ROBO1: variants seen among roughly 807,000 people sequenced by gnomAD.
The protein encoded by ROBO1 is roundabout guidance receptor 1, also known as roundabout homolog 1.
Under a neutral mutation model 195.9 loss-of-function variants are expected in ROBO1, and 149 were observed. The observed-to-expected ratio is 0.76, with a 90% CI of 0.67 to 0.87. ROBO1 has a LOEUF of 0.87. ROBO1 is among the 40% of genes least tolerant of loss of function. ROBO1 has a pLI of 0.00. For synonymous variants in ROBO1, 816 were observed against 733.2 expected, an observed-to-expected ratio of 1.11 and a Z score of -1.82; for missense variants, 1,933 against 2,068.3, an observed-to-expected ratio of 0.93 and a Z score of 1.27.
At position 78,736,413 on chromosome 3, in the gene ROBO1, A is replaced by T. The variant is rs1576051582; in HGVS notation, c.657+10330T>A. Among the ~76,000 whole-genome samples, 3 of 152,170 alleles carry T rather than the reference A, an allele frequency of 2.0e-5. No homozygotes were observed. In the East Asian group the frequency reaches 5.8e-4, roughly 29 times the overall value. On this transcript the variant is annotated intron_variant, in intron 5 of 30. Transcript: ENST00000464233. ...GAGAAGTACTTGGTAAAAGGAAAACAAACAGATAACAGGAAGAAGAAATCT... is the reference window on the plus strand; with the variant it reads ...GAGAAGTACTTGGTAAAAGGAAAACTAACAGATAACAGGAAGAAGAAATCT...
intron 1 of ROBO1, among the ~76,000 whole-genome samples, chr3:79,686,136 C>T (rs1483094469): frequency 1.3e-5 from 2 of 152,124 alleles, no homozygotes; most frequent in Admixed American, 6.6e-5. Context: ...ATTATCTCAA[C>T]AGATGCAGAA....
chr3:78,672,536 G>A lies in ROBO1; in HGVS notation c.1343-2235C>T, dbSNP rs563122950. 5.3e-5 allele frequency among the ~76,000 whole-genome samples: 8 copies of A among 151,066 alleles called. No homozygotes were observed. In the South Asian group the frequency reaches 1.7e-3, roughly 32 times the overall value. Reference sequence around the variant, plus strand: ...GAGCCCAGGAGGTTAGGTCTGCAGTGGTGGACTTTGATCAGGCCACCGCAC... The same window carrying A: ...GAGCCCAGGAGGTTAGGTCTGCAGTAGTGGACTTTGATCAGGCCACCGCAC... On this transcript the variant is annotated intron_variant, in intron 10 of 30. Transcript: ENST00000464233.
chr3:78,990,156 A>G (rs1576522697), intron 3 of ROBO1, among the ~76,000 whole-genome samples: 1 of 152,234 alleles, frequency 6.6e-6, no homozygotes. Context: ...ATACACTAGA[A>G]TATTTTTCCT....
chr3:79,622,287 G>T (rs1388906994), intron 1 of ROBO1, among the ~76,000 whole-genome samples: 2 of 152,202 alleles, frequency 1.3e-5, no homozygotes, highest in African/African-American at 4.8e-5. Context: ...CAGCCTGTCA[G>T]CTGGAACCTG....
intron 2 of ROBO1, among the ~76,000 whole-genome samples, chr3:79,210,702 G>C (rs1304150745): frequency 6.6e-6 from 1 of 152,024 alleles, no homozygotes; most frequent in East Asian, 1.9e-4. Flanking sequence ...AGTAAGCTAA[G>C]ATTTTTTTTT....
At chr3:79,342,654 A>T (rs925618602) in intron 2 of ROBO1, among the ~76,000 whole-genome samples, 1 of 152,144 alleles carries the variant, frequency 6.6e-6, no homozygotes, top group African/African-American at 2.4e-5. Flanking sequence ...TATATCTTGG[A>T]GTAAGGGAGG....
At chr3:79,330,857 T>A (rs1295497029) in intron 2 of ROBO1, among the ~76,000 whole-genome samples, 2 of 152,112 alleles carry the variant, frequency 1.3e-5, no homozygotes, top group African/African-American at 4.8e-5. Flanking sequence ...TTGGAAATGA[T>A]CTTTGCTTTC....
At chr3:79,640,161 G>A (rs941774388) in intron 1 of ROBO1, among the ~76,000 whole-genome samples, 9 of 151,868 alleles carry the variant, frequency 5.9e-5, no homozygotes, top group Non-Finnish European at 1.3e-4. Flanking sequence ...ACCTAATTTA[G>A]AAATCAGGAG....
chr3:78,915,938 G>A (rs1263022599), intron 4 of ROBO1, among the ~76,000 whole-genome samples: 11 of 152,096 alleles, frequency 7.2e-5, no homozygotes, highest in Admixed American at 1.3e-4. Context: ...TGCGAGAGCC[G>A]CTGTGCCCAG....
chr3:78,862,961 C>A (rs1330811581), intron 4 of ROBO1, among the ~76,000 whole-genome samples: 2 of 152,170 alleles, frequency 1.3e-5, no homozygotes, highest in African/African-American at 4.8e-5. Context: ...ATTCTGAAGA[C>A]ATTATTTAAT....
At chr3:79,443,655 G>A (rs1023371271) in intron 2 of ROBO1, among the ~76,000 whole-genome samples, 3 of 152,112 alleles carry the variant, frequency 2.0e-5, no homozygotes, top group South Asian at 2.1e-4. Context: ...TGAAAACCCC[G>A]TAAGTTTTCC....
At chr3:79,552,955 A>G (rs1421028902) in intron 2 of ROBO1, among the ~76,000 whole-genome samples, 2 of 152,064 alleles carry the variant, frequency 1.3e-5, no homozygotes, top group Non-Finnish European at 2.9e-5. Context: ...TAAGGCCATT[A>G]TGGCTCATGT....
At chr3:78,662,212 G>T (rs931208923) in intron 14 of ROBO1, 98 bp from the exon 15 acceptor site, 28 of 984,260 alleles carry the variant, frequency 2.8e-5, no homozygotes, top group East Asian at 6.5e-5. Context: ...GCAACTCTCA[G>T]TAAAGAAGAG....
chr3:78,665,926 G>A (rs1284168498), intron 14 of ROBO1, among the ~76,000 whole-genome samples: 2 of 151,924 alleles, frequency 1.3e-5, no homozygotes, highest in African/African-American at 4.8e-5. Context: ...TGGTTTGGCT[G>A]TGTCCTCACC....
Position 78,773,132 on chromosome 3 carries a change from G to A in ROBO1, c.500-26232C>T, listed in dbSNP as rs186638469. On this transcript the variant is annotated intron_variant, in intron 4 of 30. Transcript: ENST00000464233. ...TATGCTGTGTTAGGAAGTGGGTTAA[G>A]GATTTGTTATATATTCACCTCATTA... Among the ~76,000 whole-genome samples, 21 of 152,120 alleles carry A rather than the reference G, an allele frequency of 1.4e-4. 1 individual carries two copies. The East Asian group carries it at 3.7e-3, about 27-fold the overall frequency.
chr3:79,272,734 C>T lies in ROBO1; in HGVS notation c.89-147195G>A, dbSNP rs57716912. On this transcript the variant is annotated intron_variant, in intron 2 of 30. Transcript: ENST00000464233. ...AGGGAGCATTTAGACCAGTCCTAGC[C>T]GGGGGTGAATCATTCATCCCCCACT... Among the ~76,000 whole-genome samples, 10 of 152,000 alleles carry T rather than the reference C, an allele frequency of 6.6e-5. No individual in the cohort carries two copies. The South Asian group carries it at 1.5e-3, about 22-fold the overall frequency.
chr3:79,501,570 ATTC>A (rs1392166374), intron 2 of ROBO1, among the ~76,000 whole-genome samples: 2 of 152,230 alleles, frequency 1.3e-5, no homozygotes, highest in African/African-American at 4.8e-5. Flanking sequence ...GTGAAAGAGA[ATTC>A]TTCAACAGGG....
intron 2 of ROBO1, among the ~76,000 whole-genome samples, chr3:79,354,060 G>C (rs1055354589): frequency 3.3e-5 from 5 of 150,922 alleles, no homozygotes; most frequent in Non-Finnish European, 7.4e-5. Flanking sequence ...AAAAAAAAAA[G>C]TTATTAAGTT....
chr3:78,767,861 G>C (rs9631525), intron 4 of ROBO1, among the ~76,000 whole-genome samples: 147,264 of 152,170 alleles, frequency 0.97, 71,440 homozygotes, highest in East Asian at 1. Flanking sequence ...TTTTATTGAT[G>C]TTTTAAAAGA....
Sources: allele counts gnomAD v4.1 joint callset (sites outside exome capture counted in the v4.1 genomes callset), GRCh38; gene constraint gnomAD v4.1.1; transcripts MANE v1.5; gene names NCBI Gene and HGNC (gene_info 2026-07-23, HGNC 2026-07-21).